Variants in APPL1 observed in about 807,000 individuals in gnomAD.
The protein encoded by APPL1 is DCC-interacting protein 13-alpha.
A neutral mutation model predicts 106.8 loss-of-function variants in APPL1; 42 were observed. The observed-to-expected ratio is 0.39, with a 90% confidence interval of 0.31 to 0.51. APPL1 has a LOEUF of 0.51. Ranked by LOEUF, APPL1 falls within the 20% of genes least tolerant of loss-of-function variation. APPL1 has a pLI of 0.75. For missense variants in APPL1, 769 were observed against 858.2 expected, an observed-to-expected ratio of 0.90 and a Z score of 1.30; for synonymous variants, 263 against 281.8, an observed-to-expected ratio of 0.93 and a Z score of 0.67.
intron 3 of APPL1, 23 bp from the exon 4 acceptor site, chr3:57,238,022 C>G (rs374845283): frequency 1.9e-4 from 301 of 1,574,842 alleles, no homozygotes; most frequent in Non-Finnish European, 2.4e-4. Context: ...GAAACTTTAC[C>G]TCATCTGTTT....
chr3:57,248,642 G>T (rs1172077379), intron 10 of APPL1, among the ~76,000 whole-genome samples: 1 of 152,136 alleles, frequency 6.6e-6, no homozygotes, highest in African/African-American at 2.4e-5. Flanking sequence ...GGCTGAGGCG[G>T]GCGGATCACC....
rs199976106 is a variant in APPL1 at position 57,248,374 on chromosome 3, T to C, written c.863+23T>C. Reference sequence around the variant, plus strand: ...GAAGTAAGAAAACTATTGTTATTTTTGTATATTGTGTATCATGTAAGACAA... The same window carrying C: ...GAAGTAAGAAAACTATTGTTATTTTCGTATATTGTGTATCATGTAAGACAA... On this transcript the variant is annotated intron_variant, in intron 10 of 21. Coordinates refer to ENST00000288266, the MANE Select transcript of APPL1 (RefSeq NM_012096.3). 73 of 1,604,958 alleles carry C rather than the reference T, an allele frequency of 4.5e-5. No individual in the cohort carries two copies. In the East Asian group the frequency reaches 1.5e-3, roughly 32 times the overall value.
At chr3:57,229,471 TGTG>T (rs1370217051) in intron 1 of APPL1, among the ~76,000 whole-genome samples, 1 of 152,010 alleles carries the variant, frequency 6.6e-6, no homozygotes, top group Non-Finnish European at 1.5e-5. Flanking sequence ...ACTTAAGAAT[TGTG>T]GTTTTTTTTT....
At position 57,268,481 on chromosome 3, in the gene APPL1, T is replaced by C; in HGVS notation, c.1977T>C (p.Ile659=). 6.2e-7 allele frequency: 1 copy of C among 1,604,702 alleles called. No homozygotes were observed. Among genetic ancestry groups the C allele is most frequent in the Non-Finnish European group, 8.5e-7 (1 of 1,176,716 alleles). ...QQKELNKQKQ[I]EKDLEEQSRL... ...AAGAACTCAATAAACAAAAACAGATTGAAAAGGTATACAGTCCTAATGTCT... is the reference window on the plus strand; with the variant it reads ...AAGAACTCAATAAACAAAAACAGATCGAAAAGGTATACAGTCCTAATGTCT... Residue 659 remains isoleucine (I), a synonymous_variant, in exon 21 of 22, where the codon ATT becomes ATC. Transcript: ENST00000288266.
At position 57,269,628 on chromosome 3, in the gene APPL1, A is replaced by G. The variant is rs749126134; in HGVS notation, c.2071A>G (p.Ser691Gly). ...GGGGCAGTTTGTTGTCCTTAGCAGT[A>G]GCCAGTCAGAAGAGAGTGATTTGGG... ...SEGQFVVLSS[S>G]QSEESDLGEG... The change falls in exon 22 of 22, where the codon AGC becomes GGC. Residue 691 changes from serine to glycine, a missense_variant. Transcript: ENST00000288266. 6 of 1,614,140 alleles carry G rather than the reference A, an allele frequency of 3.7e-6. No individual in the cohort carries two copies. Among genetic ancestry groups the G allele is most frequent in the Non-Finnish European group, 5.1e-6 (6 of 1,180,002 alleles).
At chr3:57,267,462 G>C (rs2060900409) in intron 19 of APPL1, among the ~76,000 whole-genome samples, 1 of 152,180 alleles carries the variant, frequency 6.6e-6, no homozygotes, top group South Asian at 2.1e-4. Context: ...ATTAGCAGCT[G>C]CATGCTTCTT....
chr3:57,255,513 T>C (rs1579395887), intron 13 of APPL1, among the ~76,000 whole-genome samples: 1 of 152,214 alleles, frequency 6.6e-6, no homozygotes, highest in African/African-American at 2.4e-5. Flanking sequence ...TGTTTTTATC[T>C]TAACGGCTTT....
At chr3:57,250,949 A>C (rs2060800921) in intron 11 of APPL1, among the ~76,000 whole-genome samples, 1 of 149,094 alleles carries the variant, frequency 6.7e-6, no homozygotes, top group South Asian at 2.1e-4. Flanking sequence ...CTGGGACTAC[A>C]GGCGCCTGCT....
intron 9 of APPL1, 112 bp from the exon 10 acceptor site, chr3:57,248,081 C>G: frequency 9.1e-7 from 1 of 1,097,046 alleles, no homozygotes; most frequent in Non-Finnish European, 1.3e-6. Flanking sequence ...CCACCCATGC[C>G]GCTCTTCCTC....
In APPL1 at chr3:57,235,467, A is replaced by C. The variant is rs2060711458; in HGVS notation, c.55-99A>C. 16 of 654,666 alleles carry C rather than the reference A, an allele frequency of 2.4e-5. No homozygotes were observed. In the South Asian group the frequency reaches 4.2e-4, roughly 17 times the overall value. The allele number at this position is 654,666 out of a possible 1,614,324, so 40.6% of individuals were successfully genotyped here. On this transcript the variant is annotated intron_variant, in intron 1 of 21. Transcript: ENST00000288266. ...TAGATTAAAACTCAGAATTACTAGA[A>C]CTTTAATATCCTACGATTTTTGCTT... is the stretch of plus-strand genomic sequence containing the variant.
Position 57,259,047 on chromosome 3 carries a change from G to A in APPL1, c.1450G>A (p.Glu484Lys). 3.1e-6 allele frequency: 5 copies of A among 1,612,826 alleles called. No homozygotes were observed. The highest frequency in any genetic ancestry group is 4.2e-6 in the Non-Finnish European group (5 of 1,179,494). Residue 484 changes from glutamate to lysine, a missense_variant, in exon 16 of 22, where the codon GAA becomes AAA. Transcript: ENST00000288266. ...TTTTAGGCGTACAAATCCATTTGGA[G>A]AATCTGGAGGAAGTACAAAATCTGA... ...QGGRRTNPFG[E>K]SGGSTKSETE...
rs1279255957 is a variant in APPL1, at chr3:57,271,158, TTTC to T, written c.*1477_*1479del. 1 of 152,580 alleles carries T rather than the reference TTTC, an allele frequency of 6.6e-6. No homozygotes were observed. Among genetic ancestry groups the T allele is most frequent in the Admixed American group, 6.5e-5 (1 of 15,270 alleles). The allele number at this position is 152,580 out of a possible 1,614,324, so 9.5% of individuals were successfully genotyped here. A position where few individuals can be genotyped will look rare whatever the true frequency, so the allele number is the denominator to read the frequency against. The stretch of plus-strand genomic sequence containing the variant: ...TTTTTTTTTCTTTGATATACAGTTT[TTTC>T]TTCTTAGTTCTGCATTAGAAATGGC... On this transcript the variant is annotated 3_prime_UTR_variant, in exon 22 of 22. Coordinates refer to ENST00000288266, the MANE Select transcript of APPL1 (RefSeq NM_012096.3).
In APPL1 at chr3:57,269,606, G is replaced by A. The variant is rs1379653741; in HGVS notation, c.2049G>A (p.Gly683=). 6.2e-6 allele frequency: 10 copies of A among 1,614,036 alleles called. No individual in the cohort carries two copies. The highest frequency in any genetic ancestry group is 2.7e-5 in the African/African-American group (2 of 74,936). Residue 683 remains glycine (G), a synonymous_variant, in exon 22 of 22, where the codon GGG becomes GGA. Transcript: ENST00000288266. The stretch of plus-strand genomic sequence containing the variant: ...GACCAAACCAAGCCAGTAGTGAGGG[G>A]CAGTTTGTTGTCCTTAGCAGTAGCC... ...SSRPNQASSE[G]QFVVLSSSQS...
rs76249609 is a variant in APPL1 at position 57,263,103 on chromosome 3, G to C, written c.1842+2329G>C. Reference sequence around the variant, plus strand: ...CGACCTCAGATGATCCGCCTGCCTCGGCCTCCCAAAGTGCTGGGATTACAG... The same window carrying C: ...CGACCTCAGATGATCCGCCTGCCTCCGCCTCCCAAAGTGCTGGGATTACAG... On this transcript the variant is annotated intron_variant, in intron 19 of 21. Coordinates refer to ENST00000288266, the MANE Select transcript of APPL1 (RefSeq NM_012096.3). Among the ~76,000 whole-genome samples the C allele has an allele frequency of 3.9e-5, 6 of 151,978 alleles. No individual in the cohort carries two copies. The East Asian group carries it at 1.2e-3, about 29-fold the overall frequency.
At chr3:57,250,909 G>A (rs1181220214) in intron 11 of APPL1, among the ~76,000 whole-genome samples, 1 of 143,362 alleles carries the variant, frequency 7.0e-6, no homozygotes, top group African/African-American at 2.5e-5. Context: ...CCGGGTTCAC[G>A]CCATTCTCCT....
At position 57,260,690 on chromosome 3, in the gene APPL1, T is replaced by G; in HGVS notation, c.1758T>G (p.Phe586Leu). The G allele has an allele frequency of 6.2e-7, 1 of 1,613,150 alleles. No individual in the cohort carries two copies. Among genetic ancestry groups the G allele is most frequent in the Non-Finnish European group, 8.5e-7 (1 of 1,179,406 alleles). The change falls in exon 19 of 22, where the codon TTT (phenylalanine) becomes TTG (leucine). Residue 586 changes from phenylalanine (F) to leucine (L), a missense_variant. Phe to Leu is a conservative substitution (Grantham distance 22, BLOSUM62 0). Coordinates refer to ENST00000288266, the MANE Select transcript of APPL1 (RefSeq NM_012096.3). ...THQENKRLFG[F>L]VLRTSSGRSE... ...AGGAAAATAAGCGCCTTTTTGGATT[T>G]GTTCTTCGGACATCAAGCGGGAGAA...
chr3:57,245,967 C>T, intron 7 of APPL1, 109 bp from the exon 8 acceptor site: 1 of 701,408 alleles, frequency 1.4e-6, no homozygotes, highest in East Asian at 3.2e-5. Flanking sequence ...GCTTGTGATA[C>T]TCAATTCCTT....
chr3:57,227,973 C>G, intron 1 of APPL1, 36 bp downstream of exon 1: 3 of 1,403,026 alleles, frequency 2.1e-6, no homozygotes, highest in Admixed American at 2.4e-5. Context: ...CGAGGGAGAG[C>G]CCAGCTGGCC....
chr3:57,237,983 G>A, intron 3 of APPL1, 62 bp from the exon 4 acceptor site: 1 of 1,255,108 alleles, frequency 8.0e-7, no homozygotes, highest in Non-Finnish European at 1.1e-6. Flanking sequence ...GTAAATTATA[G>A]TAATGTCATT....
Sources: gnomAD v4.1 joint callset for allele counts (sites outside exome capture counted in the v4.1 genomes callset) on GRCh38, gnomAD v4.1.1 for gene constraint, MANE v1.5 for transcripts, NCBI Gene and HGNC (gene_info 2026-07-23, HGNC 2026-07-21) for gene names.